Variants in SUPT3H observed in about 807,000 individuals in gnomAD.
SUPT3H encodes SPT3 homolog, SAGA and STAGA complex component.
Under a neutral mutation model 44.3 loss-of-function variants are expected in SUPT3H, and 44 were observed. That is an observed-to-expected ratio of 0.99 (90% CI 0.78 to 1.28). The LOEUF is 1.28. SUPT3H is among the 50% of genes most tolerant of loss of function. The pLI is 0.00. For missense variants in SUPT3H, 380 were observed against 387.1 expected, an observed-to-expected ratio of 0.98 and a Z score of 0.15; for synonymous variants, 124 against 125.6, an observed-to-expected ratio of 0.99 and a Z score of 0.09.
At chr6:44,920,051 T>C (rs1437378919) in intron 10 of SUPT3H, among the ~76,000 whole-genome samples, 1 of 151,956 alleles carries the variant, frequency 6.6e-6, no homozygotes, top group Non-Finnish European at 1.5e-5. Context: ...GCTAATTTTT[T>C]GTATTTTTAG....
chr6:45,158,489 C>A (rs1479448012), intron 2 of SUPT3H, among the ~76,000 whole-genome samples: 1 of 151,416 alleles, frequency 6.6e-6, no homozygotes, highest in African/African-American at 2.4e-5. Context: ...AACACTAGTT[C>A]ACAGCCACGT....
chr6:44,907,691 A>G (rs937820382), intron 10 of SUPT3H, among the ~76,000 whole-genome samples: 2 of 152,168 alleles, frequency 1.3e-5, no homozygotes, highest in African/African-American at 4.8e-5. Flanking sequence ...AAAGGAAAAC[A>G]GTAAAATTAT....
At chr6:45,369,215 A>C (rs1182222239) in intron 1 of SUPT3H, among the ~76,000 whole-genome samples, 1 of 152,014 alleles carries the variant, frequency 6.6e-6, no homozygotes, top group Admixed American at 6.6e-5. Context: ...TCAAACTTTC[A>C]CTATCTCCAG....
At chr6:44,945,473 A>G (rs147270578) in intron 9 of SUPT3H, among the ~76,000 whole-genome samples, 2,707 of 152,310 alleles carry the variant, frequency 0.018, 53 homozygotes, top group South Asian at 0.092. Context: ...GCCAAGGCAA[A>G]GTTCTTGAAG....
rs574106921 is a variant in SUPT3H, at chr6:45,036,044, T to C, written c.187-15412A>G. ...TGAAAAGAGACCATACCAAGTCACA[T>C]TCACTATTCATATTGAAAATCCAAC... is the stretch of plus-strand genomic sequence containing the variant. On this transcript the variant is annotated intron_variant, in intron 3 of 10. Coordinates refer to ENST00000371459, the MANE Select transcript of SUPT3H (RefSeq NM_003599.4). 4.3e-4 allele frequency among the ~76,000 whole-genome samples: 66 copies of C among 152,276 alleles called. No individual in the cohort carries two copies. The South Asian group carries it at 0.013, about 31-fold the overall frequency.
At chr6:44,977,998 T>C (rs951822716) in intron 6 of SUPT3H, among the ~76,000 whole-genome samples, 5 of 152,140 alleles carry the variant, frequency 3.3e-5, no homozygotes, top group African/African-American at 1.2e-4. Context: ...ACGAATGTCA[T>C]GGAATTATCA....
intron 2 of SUPT3H, among the ~76,000 whole-genome samples, chr6:45,192,993 A>G (rs531889411): frequency 6.6e-6 from 1 of 152,150 alleles, no homozygotes; most frequent in Non-Finnish European, 1.5e-5. Context: ...AATTTTCTAC[A>G]TTTGATGAAG....
intron 2 of SUPT3H, among the ~76,000 whole-genome samples, chr6:45,315,284 C>T (rs1019076220): frequency 6.6e-6 from 1 of 151,922 alleles, no homozygotes; most frequent in Non-Finnish European, 1.5e-5. Context: ...AAAAAAATAG[C>T]TGTGACCTAA....
At chr6:45,121,306 C>T (rs1362784449) in intron 2 of SUPT3H, among the ~76,000 whole-genome samples, 1 of 152,140 alleles carries the variant, frequency 6.6e-6, no homozygotes, top group Non-Finnish European at 1.5e-5. Flanking sequence ...AGAGAGAATG[C>T]TTGGGCAACT....
intron 10 of SUPT3H, among the ~76,000 whole-genome samples, chr6:44,910,966 G>A (rs535443524): frequency 1.8e-5 from 2 of 114,106 alleles, no homozygotes; most frequent in African/African-American, 6.8e-5. Context: ...CCGCACTCCA[G>A]CCTGGGCAAC....
At chr6:45,200,926 A>T (rs1010755596) in intron 2 of SUPT3H, among the ~76,000 whole-genome samples, 1 of 151,588 alleles carries the variant, frequency 6.6e-6, no homozygotes, top group African/African-American at 2.4e-5. Context: ...AACAAAATCA[A>T]AGTTTCTCTC....
rs748976324 is a variant in SUPT3H, at chr6:44,829,854, C to T, written c.916G>A (p.Ala306Thr). 1.2e-6 allele frequency: 2 copies of T among 1,613,134 alleles called. No homozygotes were observed. Among genetic ancestry groups the T allele is most frequent in the Non-Finnish European group, 1.7e-6 (2 of 1,179,212 alleles). Reference sequence around the variant, plus strand: ...AAAGCCATCCCATTCCTGCGGTAGGCATTCTGTCAAAGAAAAAGAAATCTG... The same window carrying T: ...AAAGCCATCCCATTCCTGCGGTAGGTATTCTGTCAAAGAAAAAGAAATCTG... ...RIGPLSPFTN[A>T]YRRNGMAFLA... Residue 306 changes from alanine to threonine, a missense_variant, in exon 11 of 11, where the codon GCC (alanine) becomes ACC (threonine). Ala to Thr is a moderately conservative substitution (Grantham distance 58). Transcript: ENST00000371459.
rs549898846 is a variant in SUPT3H at position 45,260,717 on chromosome 6, G to C, written c.101+104484C>G. ...GATGTTTGAAGAATATCCTCTTTAT[G>C]AAAAATAAAAAGCTCCTGAAAATCC... On this transcript the variant is annotated intron_variant, in intron 2 of 10. Transcript: ENST00000371459. Among the ~76,000 whole-genome samples, 7 of 152,084 alleles carry C rather than the reference G, an allele frequency of 4.6e-5. No individual in the cohort carries two copies. In the South Asian group the frequency reaches 1.2e-3, roughly 27 times the overall value.
intron 10 of SUPT3H, among the ~76,000 whole-genome samples, chr6:44,844,971 A>G (rs1232890601): frequency 6.6e-6 from 1 of 152,208 alleles, no homozygotes; most frequent in Non-Finnish European, 1.5e-5. Flanking sequence ...CAGGATTTGT[A>G]CATCACAGGC....
chr6:44,942,639 G>A (rs980325297), intron 9 of SUPT3H, among the ~76,000 whole-genome samples: 3 of 152,014 alleles, frequency 2.0e-5, no homozygotes, highest in South Asian at 2.1e-4. Context: ...CACTATGTCC[G>A]GGCTAGTCTG....
intron 2 of SUPT3H, among the ~76,000 whole-genome samples, chr6:45,119,658 G>A (rs1209604874): frequency 1.3e-5 from 2 of 152,084 alleles, no homozygotes; most frequent in African/African-American, 4.8e-5. Context: ...GCAGCACTTT[G>A]GACCAAATAA....
rs557228781 is a variant in SUPT3H, at chr6:45,086,713, A to G, written c.186+19209T>C. Reference sequence around the variant, plus strand: ...TGGCCTCAGCAATTGGTTCATAATGATGTCACAGGAGTAACCAGAAAAACT... The same window carrying G: ...TGGCCTCAGCAATTGGTTCATAATGGTGTCACAGGAGTAACCAGAAAAACT... On this transcript the variant is annotated intron_variant, in intron 3 of 10. Coordinates refer to ENST00000371459, the MANE Select transcript of SUPT3H (RefSeq NM_003599.4). Among the ~76,000 whole-genome samples, 31 of 152,086 alleles carry G rather than the reference A, an allele frequency of 2.0e-4. No homozygotes were observed. In the South Asian group the frequency reaches 6.2e-3, roughly 30 times the overall value.
At chr6:45,324,627 GA>G (rs1300328293) in intron 2 of SUPT3H, among the ~76,000 whole-genome samples, 1 of 151,752 alleles carries the variant, frequency 6.6e-6, no homozygotes, top group African/African-American at 2.4e-5. Context: ...GAGAGAGAGA[GA>G]TAGGGAGAGG....
At position 45,208,538 on chromosome 6, in the gene SUPT3H, A is replaced by G. The variant is rs547363457; in HGVS notation, c.102-102532T>C. Among the ~76,000 whole-genome samples, 3 of 152,286 alleles carry G rather than the reference A, an allele frequency of 2.0e-5. No individual in the cohort carries two copies. In the South Asian group the frequency reaches 6.2e-4, roughly 32 times the overall value. ...CAGGAGATTGAGACCATCCTGGCCA[A>G]CATGGTGAAACCCTGTCCCTACTAA... On this transcript the variant is annotated intron_variant, in intron 2 of 10. Transcript: ENST00000371459.
Sources: allele counts gnomAD v4.1 joint callset (sites outside exome capture counted in the v4.1 genomes callset), GRCh38; gene constraint gnomAD v4.1.1; transcripts MANE v1.5; gene names NCBI Gene and HGNC (gene_info 2026-07-23, HGNC 2026-07-21).